Variants in PDGFRA observed in about 807,000 individuals in gnomAD.
The protein encoded by PDGFRA is platelet derived growth factor receptor alpha.
Under a neutral mutation model 121.5 loss-of-function variants are expected in PDGFRA, and 25 were observed. That is an observed-to-expected ratio of 0.21 (90% confidence interval 0.15 to 0.29). The LOEUF (loss-of-function observed/expected upper bound fraction) is 0.29, where lower values mean the gene tolerates loss of function less well. Ranked by LOEUF, PDGFRA falls within the 10% of genes least tolerant of loss-of-function variation. PDGFRA has a pLI of 1.00. For synonymous variants in PDGFRA, 463 were observed against 494.8 expected (o/e 0.94, Z 0.85); for missense variants, 1,008 against 1,345.1 (o/e 0.75, Z 3.92).
intron 1 of PDGFRA, among the ~76,000 whole-genome samples, chr4:54,234,396 C>T (rs1423619109): frequency 6.6e-6 from 1 of 152,220 alleles, no homozygotes; most frequent in East Asian, 1.9e-4. Context: ...TGTGTCGCAA[C>T]CCGTGGACGC....
chr4:54,291,445 AC>A (rs751710104), intron 22 of PDGFRA, among the ~76,000 whole-genome samples: 81 of 152,186 alleles, frequency 5.3e-4, no homozygotes, highest in Non-Finnish European at 8.5e-4. Flanking sequence ...ATATTATCAT[AC>A]TCCATTAAAA....
chr4:54,253,809 C>G (rs1577695187), intron 1 of PDGFRA, among the ~76,000 whole-genome samples: 3 of 152,254 alleles, frequency 2.0e-5, no homozygotes, highest in Admixed American at 6.5e-5. Flanking sequence ...CTCAGCCTTT[C>G]CAGTAGCTGG....
chr4:54,293,985 G>A (rs1190414404), intron 22 of PDGFRA, among the ~76,000 whole-genome samples: 1 of 151,606 alleles, frequency 6.6e-6, no homozygotes, highest in Non-Finnish European at 1.5e-5. Flanking sequence ...GGAGGCTTAT[G>A]ACTGTGACCT....
intron 22 of PDGFRA, among the ~76,000 whole-genome samples, chr4:54,292,021 G>C (rs1724657770): frequency 6.6e-6 from 1 of 152,226 alleles, no homozygotes; most frequent in African/African-American, 2.4e-5. Flanking sequence ...AAAAGCAACA[G>C]ATTGTGGCGA....
chr4:54,257,477 C>G (rs750394028), intron 1 of PDGFRA, among the ~76,000 whole-genome samples: 5 of 152,170 alleles, frequency 3.3e-5, no homozygotes, highest in Non-Finnish European at 7.3e-5. Flanking sequence ...CCATGGTGAT[C>G]TCCAATTTTG....
chr4:54,273,812 A>C (rs935835662), intron 10 of PDGFRA, 82 bp downstream of exon 10: 1 of 1,039,682 alleles, frequency 9.6e-7, no homozygotes, highest in Non-Finnish European at 1.5e-6. Context: ...GATAGGGGTT[A>C]TATAGAAATG....
intron 1 of PDGFRA, among the ~76,000 whole-genome samples, chr4:54,251,809 T>C (rs2110217921): frequency 6.6e-6 from 1 of 152,322 alleles, no homozygotes; most frequent in South Asian, 2.1e-4. Flanking sequence ...CTCAAGGCTT[T>C]AAGAAGCCTA....
intron 2 of PDGFRA, among the ~76,000 whole-genome samples, chr4:54,260,433 G>GGGTC (rs1409410207): frequency 1.5e-5 from 2 of 134,816 alleles, no homozygotes; most frequent in African/African-American, 6.2e-5. Flanking sequence ...TTTTGAGACA[G>GGGTC]GGTCTCTCGC....
chr4:54,297,352 C>G lies in PDGFRA; in HGVS notation c.*2080C>G, dbSNP rs1724925768. On this transcript the variant is annotated 3_prime_UTR_variant, in exon 23 of 23. Coordinates refer to ENST00000257290, the MANE Select transcript of PDGFRA (RefSeq NM_006206.6). The stretch of plus-strand genomic sequence containing the variant: ...GGTGTAATCTCAATGCAAGCCCCAA[C>G]TTTCTTATCCAACTTTTTCATAGTA... 4.3e-6 allele frequency: 1 copy of G among 233,588 alleles called. No homozygotes were observed. Among genetic ancestry groups the G allele is most frequent in the African/African-American group, 2.2e-5 (1 of 45,332 alleles). 14.5% of individuals were successfully genotyped at this position (233,588 alleles called of 1,614,324 possible).
rs1560497118 is a variant in PDGFRA, at chr4:54,296,238, G to A, written c.*966G>A. 1 of 232,712 alleles carries A rather than the reference G, an allele frequency of 4.3e-6. No individual in the cohort carries two copies. The highest frequency in any genetic ancestry group is 8.5e-6 in the Non-Finnish European group (1 of 117,876). 14.4% of individuals were successfully genotyped at this position (232,712 alleles called of 1,614,324 possible). On this transcript the variant is annotated 3_prime_UTR_variant, in exon 23 of 23. Coordinates refer to ENST00000257290, the MANE Select transcript of PDGFRA (RefSeq NM_006206.6). The stretch of plus-strand genomic sequence containing the variant: ...ACTGCCCTCTGAAATAATGGGATTA[G>A]AAACAAACAAAACTCTTAAGTCCTA...
intron 15 of PDGFRA, among the ~76,000 whole-genome samples, chr4:54,280,017 A>G (rs2110321832): frequency 6.6e-6 from 1 of 152,068 alleles, no homozygotes; most frequent in Admixed American, 6.5e-5. Context: ...CATTTTTTCA[A>G]TATGTGAATT....
chr4:54,274,531 C>T lies in PDGFRA; in HGVS notation c.1559C>T (p.Thr520Ile), dbSNP rs760659222. 1.2e-6 allele frequency: 2 copies of T among 1,610,660 alleles called. No homozygotes were observed. The highest frequency in any genetic ancestry group is 3.3e-5 in the Admixed American group (2 of 60,024). Reference sequence around the variant, plus strand: ...TGTGCCTCTCTCTCTTGTCACGTAGCCCTGCGTTCTGAACTCACGGTGGCT... The same window carrying T: ...TGTGCCTCTCTCTCTTGTCACGTAGTCCTGCGTTCTGAACTCACGGTGGCT... ...ENRELKLVAP[T>I]LRSELTVAAA... Residue 520 changes from threonine to isoleucine, a missense_variant and splice_region_variant, in exon 11 of 23, where the codon ACC becomes ATC. Thr to Ile is a moderately conservative substitution (Grantham distance 89). Coordinates refer to ENST00000257290, the MANE Select transcript of PDGFRA (RefSeq NM_006206.6).
At chr4:54,264,187 C>T in intron 4 of PDGFRA, 1 of 543,510 alleles carries the variant, frequency 1.8e-6, no homozygotes, top group Non-Finnish European at 3.2e-6. Context: ...TCTTTTCTTA[C>T]ATAAGCCTCT....
rs1724918051 is a variant in PDGFRA, at chr4:54,297,164, G to A, written c.*1892G>A. 1 of 233,458 alleles carries A rather than the reference G, an allele frequency of 4.3e-6. No homozygotes were observed. The highest frequency in any genetic ancestry group is 2.2e-5 in the African/African-American group (1 of 45,352). 14.5% of individuals were successfully genotyped at this position (233,458 alleles called of 1,614,324 possible). ...ATGAATTGTCACATCTATCCACACT[G>A]TCAAACAGGTTGGTGTGGGTTCATT... is the stretch of plus-strand genomic sequence containing the variant. On this transcript the variant is annotated 3_prime_UTR_variant, in exon 23 of 23. Transcript: ENST00000257290.
intron 1 of PDGFRA, among the ~76,000 whole-genome samples, chr4:54,245,221 C>T (rs1001184394): frequency 8.5e-5 from 13 of 152,120 alleles, no homozygotes; most frequent in Admixed American, 7.2e-4. Context: ...CAGAGAACGC[C>T]ACAAAGATAC....
Position 54,270,646 on chromosome 4 carries a change from T to G in PDGFRA, c.1135T>G (p.Leu379Val), listed in dbSNP as rs199827643. The change falls in exon 8 of 23, where the codon TTA (leucine) becomes GTA (valine). Residue 379 changes from leucine to valine, a missense_variant. Physicochemically the swap from Leu to Val is conservative, Grantham distance 32 (BLOSUM62 1). This residue lies in a region of PDGFRA where 575 missense variants were observed against 701.8 expected (regional missense o/e 0.82). Coordinates refer to ENST00000257290, the MANE Select transcript of PDGFRA (RefSeq NM_006206.6). ...TTTTTTTAAAAGGTATCGAAGCAAA[T>G]TAAAGCTGATCCGTGCTAAGGAAGA... ...KIQEIRYRSKLKLIRAKEEDS... is the reference protein window; with the variant it reads ...KIQEIRYRSKVKLIRAKEEDS... 1.3e-4 allele frequency: 207 copies of G among 1,606,206 alleles called. No homozygotes were observed. Among genetic ancestry groups the G allele is most frequent in the Non-Finnish European group, 8.2e-5 (96 of 1,173,204 alleles).
intron 2 of PDGFRA, among the ~76,000 whole-genome samples, chr4:54,259,632 G>A (rs373461981): frequency 1.3e-5 from 2 of 152,172 alleles, no homozygotes; most frequent in African/African-American, 4.8e-5. Flanking sequence ...AGCTCAGCCC[G>A]TTAGTGTCTT....
At chr4:54,283,093 A>G (rs1724154198) in intron 16 of PDGFRA, among the ~76,000 whole-genome samples, 1 of 152,156 alleles carries the variant, frequency 6.6e-6, no homozygotes, top group East Asian at 1.9e-4. Flanking sequence ...TGCAGAGTGC[A>G]GGCTGTTGGT....
intron 22 of PDGFRA, among the ~76,000 whole-genome samples, chr4:54,293,963 G>C (rs528715038): frequency 6.7e-6 from 1 of 149,126 alleles, no homozygotes; most frequent in East Asian, 2.0e-4. Flanking sequence ...TTTCCCATCA[G>C]AACATTATTT....
Sources: allele counts gnomAD v4.1 joint callset (sites outside exome capture counted in the v4.1 genomes callset), GRCh38; gene constraint gnomAD v4.1.1; regional missense constraint gnomAD v4.1.1; transcripts MANE v1.5; gene names NCBI Gene and HGNC (gene_info 2026-07-23, HGNC 2026-07-21).